The following MUCL3 variants were observed in gnomAD, a reference collection of about 807,000 sequenced individuals.
The protein encoded by MUCL3 is mucin-like protein 3.
A neutral mutation model predicts 70.2 loss-of-function variants in MUCL3; 42 were observed. That is an observed-to-expected ratio of 0.60 (90% CI 0.47 to 0.77). The LOEUF is 0.77. Ranked by LOEUF, MUCL3 falls within the 30% of genes least tolerant of loss-of-function variation. MUCL3 has a pLI of 0.00. For synonymous variants in MUCL3, 522 were observed against 647.0 expected (o/e 0.81, Z 2.93); for missense variants, 1,429 against 1,670.0 (o/e 0.86, Z 2.52).
rs1257092731 is a variant in MUCL3 at position 30,950,946 on chromosome 6, A to G, written c.2482A>G (p.Arg828Gly). ...AGCAGAGCCTACAGAAAATAGAGAA[A>G]GGACAGCCAATGAGAAGACCACACA... Reference protein sequence around the residue: ...SPAEPTENRERTANEKTTQFP... With the variant: ...SPAEPTENREGTANEKTTQFP... The change falls in exon 2 of 3, where the codon AGG (arginine) becomes GGG (glycine). Residue 828 changes from arginine (R) to glycine (G), a missense_variant. Transcript: ENST00000462446. 1.3e-6 allele frequency: 2 copies of G among 1,548,934 alleles called. No homozygotes were observed. Among genetic ancestry groups the G allele is most frequent in the Non-Finnish European group, 1.7e-6 (2 of 1,146,576 alleles).
chr6:30,942,227 C>T (rs950220568), intron 1 of MUCL3, among the ~76,000 whole-genome samples: 15 of 152,102 alleles, frequency 9.9e-5, no homozygotes, highest in African/African-American at 3.4e-4. Context: ...TGGACAAGTT[C>T]GACGAACAAA....
intron 1 of MUCL3, among the ~76,000 whole-genome samples, chr6:30,941,288 CT>C (rs1176799821): frequency 1.3e-5 from 2 of 152,154 alleles, no homozygotes; most frequent in African/African-American, 2.4e-5. Context: ...TAAAACATGG[CT>C]CACAGGGCTG....
chr6:30,948,659 G>A lies in MUCL3; in HGVS notation c.195G>A (p.Leu65=). The A allele has an allele frequency of 6.4e-7, 1 of 1,551,572 alleles. No homozygotes were observed. Among genetic ancestry groups the A allele is most frequent in the Middle Eastern group, 1.7e-4 (1 of 5,992 alleles). The part of the protein sequence containing the change: ...VYSIPFDHIV[L]HSGQRPPELP... ...GTATCCCTTTTGATCACATTGTTCT[G>A]CATTCAGGACAAAGACCTCCAGAGC... is the stretch of plus-strand genomic sequence containing the variant. The change falls in exon 2 of 3, where the codon CTG becomes CTA. Residue 65 remains leucine (L), a synonymous_variant. Coordinates refer to ENST00000462446, the MANE Select transcript of MUCL3 (RefSeq NM_080870.4).
chr6:30,942,023 G>T (rs1220858010), intron 1 of MUCL3, among the ~76,000 whole-genome samples: 1 of 152,124 alleles, frequency 6.6e-6, no homozygotes, highest in African/African-American at 2.4e-5. Context: ...TGTAAAATGG[G>T]CTGGATGCTG....
chr6:30,952,679 A>C, intron 2 of MUCL3, 180 bp downstream of exon 2: 1 of 821,462 alleles, frequency 1.2e-6, no homozygotes, highest in South Asian at 2.0e-5. Context: ...AATACACAGG[A>C]GGTAAAAAGC....
Position 30,952,498 on chromosome 6 carries a change from T to C in MUCL3, c.4034T>C (p.Leu1345Ser). Reference sequence around the variant, plus strand: ...CTGGTGTTCCTTGGCCTGATCTTCTTGGTAAGGGACAGATGTGCCCCACAG... The same window carrying C: ...CTGGTGTTCCTTGGCCTGATCTTCTCGGTAAGGGACAGATGTGCCCCACAG... Reference protein sequence around the residue: ...LLLVFLGLIFLVSYMMRTRRT... With the variant: ...LLLVFLGLIFSVSYMMRTRRT... Residue 1345 changes from leucine to serine, a missense_variant and splice_region_variant, in exon 2 of 3, where the codon TTG becomes TCG. Physicochemically the swap from Leu to Ser is moderately radical, Grantham distance 145. Transcript: ENST00000462446. 6.3e-7 allele frequency: 1 copy of C among 1,594,148 alleles called. No homozygotes were observed. Among genetic ancestry groups the C allele is most frequent in the Non-Finnish European group, 8.5e-7 (1 of 1,171,366 alleles).
rs767901675 is a variant in MUCL3, at chr6:30,952,053, A to G, written c.3589A>G (p.Thr1197Ala). 4.3e-6 allele frequency: 7 copies of G among 1,610,936 alleles called. No homozygotes were observed. The highest frequency in any genetic ancestry group is 1.3e-5 in the African/African-American group (1 of 74,462). Residue 1197 changes from threonine to alanine, a missense_variant, in exon 2 of 3, where the codon ACC becomes GCC. Coordinates refer to ENST00000462446, the MANE Select transcript of MUCL3 (RefSeq NM_080870.4). ...GCTATACTCAGAGAAGACCATATGC[A>G]CCAAAGGGAAAAACACACCAGTCCC... Reference protein sequence around the residue: ...PTLYSEKTICTKGKNTPVPEK... With the variant: ...PTLYSEKTICAKGKNTPVPEK...
chr6:30,948,735 C>A lies in MUCL3; in HGVS notation c.271C>A (p.Arg91Ser). 1.9e-6 allele frequency: 3 copies of A among 1,551,618 alleles called. No individual in the cohort carries two copies. Among genetic ancestry groups the A allele is most frequent in the Non-Finnish European group, 2.6e-6 (3 of 1,146,990 alleles). The stretch of plus-strand genomic sequence containing the variant: ...GCAAAAACGCCACTGCAACACCACA[C>A]GCCATTCTAAGCCAACTGACAAGCC... ...HEQKRHCNTT[R>S]HSKPTDKPTG... Residue 91 changes from arginine to serine, a missense_variant, in exon 2 of 3, where the codon CGC becomes AGC. By Grantham distance (110) the Arg-to-Ser change is moderately radical (BLOSUM62 -1). Transcript: ENST00000462446.
chr6:30,942,082 C>G (rs1795602614), intron 1 of MUCL3, among the ~76,000 whole-genome samples: 1 of 152,160 alleles, frequency 6.6e-6, no homozygotes, highest in Non-Finnish European at 1.5e-5. Flanking sequence ...TTACACTGCA[C>G]CAGGTGTTGC....
rs764847568 is a variant in MUCL3, at chr6:30,953,106, T to TC, written c.4175dup (p.Arg1393ThrfsTer6). The TC allele has an allele frequency of 5.6e-6, 9 of 1,614,100 alleles. No homozygotes were observed. The highest frequency in any genetic ancestry group is 7.6e-6 in the Non-Finnish European group (9 of 1,180,014). The stretch of plus-strand genomic sequence containing the variant: ...GAATCTTGGCATGGGCCAGATCCCT[T>TC]CCCCACGGTGATCTTGGAGTAGGCG... On this transcript the variant is annotated frameshift_variant, in exon 3 of 3. Transcript: ENST00000462446. LOFTEE classifies it high-confidence loss of function.
In MUCL3 at chr6:30,949,223, A is replaced by G. The variant is rs1399234470; in HGVS notation, c.759A>G (p.Arg253=). 1 of 1,550,992 alleles carries G rather than the reference A, an allele frequency of 6.4e-7. No individual in the cohort carries two copies. Among genetic ancestry groups the G allele is most frequent in the South Asian group, 1.2e-5 (1 of 83,832 alleles). Residue 253 remains arginine (R), a synonymous_variant, in exon 2 of 3, where the codon AGA becomes AGG. Coordinates refer to ENST00000462446, the MANE Select transcript of MUCL3 (RefSeq NM_080870.4). ...AGTCAGAAAAAACTGAAGATTCCAG[A>G]ACAACAGTTGCCTCAGACAAGCTCC... ...PEESEKTEDS[R]TTVASDKLLT...
intron 1 of MUCL3, among the ~76,000 whole-genome samples, chr6:30,946,615 G>C (rs1322245641): frequency 6.6e-6 from 1 of 152,090 alleles, no homozygotes; most frequent in Admixed American, 6.5e-5. Context: ...CACTTCACAG[G>C]TTCATAATTA....
Position 30,953,566 on chromosome 6 carries a change from A to G in MUCL3, c.*449A>G, listed in dbSNP as rs923928126. 1.8e-5 allele frequency: 3 copies of G among 162,594 alleles called. No homozygotes were observed. The highest frequency in any genetic ancestry group is 4.8e-5 in the African/African-American group (2 of 41,534). 10.1% of individuals were successfully genotyped at this position (162,594 alleles called of 1,614,324 possible). A position where few individuals can be genotyped will look rare whatever the true frequency, so the allele number is the denominator to read the frequency against. ...CATTATGTTATTTCCATTCACTATT[A>G]CTTAAGAGTTTGTGTGTAAACAGGC... On this transcript the variant is annotated 3_prime_UTR_variant, in exon 3 of 3. Transcript: ENST00000462446.
In MUCL3 at chr6:30,949,349, GAAC is replaced by G; in HGVS notation, c.890_892del (p.Asn297del). On this transcript the variant is annotated inframe_deletion, in exon 2 of 3. Transcript: ENST00000462446. ...AACATGGAGGAAGGACAGCCAATGAGAACAACACACCATCCCCAGCAGAGCCTA... is the reference window on the plus strand; with the variant it reads ...AACATGGAGGAAGGACAGCCAATGAGAACACACCATCCCCAGCAGAGCCTA... The G allele has an allele frequency of 6.4e-7, 1 of 1,551,702 alleles. No individual in the cohort carries two copies.
chr6:30,949,706 A>G lies in MUCL3; in HGVS notation c.1242A>G (p.Thr414=). 1 of 1,546,124 alleles carries G rather than the reference A, an allele frequency of 6.5e-7. No homozygotes were observed. The highest frequency in any genetic ancestry group is 8.7e-7 in the Non-Finnish European group (1 of 1,145,590). The change falls in exon 2 of 3, where the codon ACA becomes ACG. Residue 414 remains threonine, a synonymous_variant. Transcript: ENST00000462446. The part of the protein sequence containing the change: ...ERTPFANDKT[T]SSSAESTEHG... ...CCCCATTTGCCAATGACAAAACCAC[A>G]TCATCCTCAGCAGAGTCTACAGAAC...
intron 1 of MUCL3, among the ~76,000 whole-genome samples, chr6:30,944,743 C>T (rs959649166): frequency 2.6e-5 from 4 of 152,208 alleles, no homozygotes; most frequent in Non-Finnish European, 5.9e-5. Context: ...CCTGCCTATT[C>T]TTCAGTGACC....
Position 30,949,366 on chromosome 6 carries a change from C to T in MUCL3, c.902C>T (p.Pro301Leu), listed in dbSNP as rs1313450941. Residue 301 changes from proline (P) to leucine (L), a missense_variant, in exon 2 of 3, where the codon CCA becomes CTA. Transcript: ENST00000462446. Reference protein sequence around the residue: ...RTANENNTPSPAEPTENRERT... With the variant: ...RTANENNTPSLAEPTENRERT... The stretch of plus-strand genomic sequence containing the variant: ...GCCAATGAGAACAACACACCATCCC[C>T]AGCAGAGCCTACAGAAAATAGAGAA... 1 of 1,551,760 alleles carries T rather than the reference C, an allele frequency of 6.4e-7. No individual in the cohort carries two copies. Among genetic ancestry groups the T allele is most frequent in the African/African-American group, 1.4e-5 (1 of 73,158 alleles).
intron 1 of MUCL3, among the ~76,000 whole-genome samples, chr6:30,941,618 C>T (rs575327779): frequency 3.4e-4 from 52 of 151,950 alleles, no homozygotes; most frequent in Middle Eastern, 6.8e-3. Flanking sequence ...TGCCACCACG[C>T]CTGGCTCATT....
At chr6:30,946,768 G>C (rs1463197197) in intron 1 of MUCL3, among the ~76,000 whole-genome samples, 1 of 152,176 alleles carries the variant, frequency 6.6e-6, no homozygotes, top group Non-Finnish European at 1.5e-5. Flanking sequence ...CGGGACCCCA[G>C]GATGTGTGTT....
Sources: gnomAD v4.1 joint callset for allele counts (sites outside exome capture counted in the v4.1 genomes callset) on GRCh38, gnomAD v4.1.1 for gene constraint, MANE v1.5 for transcripts, NCBI Gene and HGNC (gene_info 2026-07-23, HGNC 2026-07-21) for gene names.